The following PCCB variants were observed in gnomAD, a reference collection of about 807,000 sequenced individuals.
PCCB encodes propionyl-CoA carboxylase beta chain, mitochondrial.
Under a neutral mutation model 60.7 loss-of-function variants are expected in PCCB, and 43 were observed. The ratio of observed to expected loss-of-function variants is 0.71; its 90% CI spans 0.55 to 0.91. PCCB has a LOEUF of 0.91. PCCB is among the 40% of genes least tolerant of loss of function. The pLI, the probability that PCCB is intolerant of heterozygous loss-of-function variation, is 0.00. For missense variants in PCCB, 766 were observed against 702.8 expected (o/e 1.09, Z -1.02); for synonymous variants, 276 against 255.9 (o/e 1.08, Z -0.75).
At chr3:136,329,490 G>T (rs1337874637) in intron 14 of PCCB, among the ~76,000 whole-genome samples, 1 of 152,170 alleles carries the variant, frequency 6.6e-6, no homozygotes, top group East Asian at 1.9e-4. Flanking sequence ...ACTCAACAAG[G>T]TTAAGCGAAG....
At chr3:136,313,291 C>T (rs1204416664) in intron 9 of PCCB, among the ~76,000 whole-genome samples, 4 of 152,082 alleles carry the variant, frequency 2.6e-5, no homozygotes, top group Admixed American at 6.6e-5. Flanking sequence ...TTTGTAATTG[C>T]GAGATACTCT....
At chr3:136,275,792 A>C (rs1453193552) in intron 5 of PCCB, among the ~76,000 whole-genome samples, 1 of 151,856 alleles carries the variant, frequency 6.6e-6, no homozygotes, top group African/African-American at 2.4e-5. Flanking sequence ...TTTTGTTGAG[A>C]TGGCGTCTCG....
intron 6 of PCCB, among the ~76,000 whole-genome samples, chr3:136,291,037 T>A (rs1356864351): frequency 6.6e-6 from 1 of 152,166 alleles, no homozygotes; most frequent in Non-Finnish European, 1.5e-5. Flanking sequence ...GTGTTTCCAA[T>A]CCCTGGTATA....
At chr3:136,299,052 CT>C (rs1464461340) in intron 8 of PCCB, among the ~76,000 whole-genome samples, 1 of 152,030 alleles carries the variant, frequency 6.6e-6, no homozygotes, top group Admixed American at 6.6e-5. Flanking sequence ...TGGGTATAGC[CT>C]TTCTGAGTAT....
At chr3:136,293,147 A>G (rs958320953) in intron 6 of PCCB, among the ~76,000 whole-genome samples, 8 of 152,158 alleles carry the variant, frequency 5.3e-5, no homozygotes, top group Non-Finnish European at 1.2e-4. Flanking sequence ...GACTACAGGC[A>G]CATGCCACCA....
Position 136,330,007 on chromosome 3 carries a change from A to G in PCCB, c.1601A>G (p.His534Arg), listed in dbSNP as rs770967191. 2 of 1,614,182 alleles carry G rather than the reference A, an allele frequency of 1.2e-6. No homozygotes were observed. Among genetic ancestry groups the G allele is most frequent in the South Asian group, 2.2e-5 (2 of 91,088 alleles). Residue 534 changes from histidine to arginine, a missense_variant, in exon 15 of 15, where the codon CAT becomes CGT. By Grantham distance (29) the His-to-Arg change is conservative. Coordinates refer to ENST00000251654, the MANE Select transcript of PCCB (RefSeq NM_000532.5). ...AAGGTACAACGTCCTTGGAGAAAAC[A>G]TGCAAATATTCCATTGTAAACAAAT... ...SKKVQRPWRK[H>R]ANIPL
chr3:136,292,642 C>G (rs112198828), intron 6 of PCCB, among the ~76,000 whole-genome samples: 72 of 152,110 alleles, frequency 4.7e-4, no homozygotes, highest in Admixed American at 4.6e-4. Context: ...GTATTGAACT[C>G]TATGTGTATT....
intron 6 of PCCB, among the ~76,000 whole-genome samples, chr3:136,287,446 T>A (rs528910597): frequency 3.3e-5 from 5 of 152,064 alleles, no homozygotes; most frequent in Non-Finnish European, 5.9e-5. Flanking sequence ...TTTGTTTTTT[T>A]TTTGAGACAG....
At chr3:136,268,228 T>C (rs1270466080) in intron 5 of PCCB, among the ~76,000 whole-genome samples, 1 of 150,202 alleles carries the variant, frequency 6.7e-6, no homozygotes, top group African/African-American at 2.5e-5. Context: ...TTGTATATGG[T>C]GTGACAGAAG....
chr3:136,296,568 A>G (rs1933950304), intron 7 of PCCB, among the ~76,000 whole-genome samples: 1 of 152,184 alleles, frequency 6.6e-6, no homozygotes, highest in Non-Finnish European at 1.5e-5. Context: ...GCCTGTATTA[A>G]TATTTATATG....
intron 10 of PCCB, among the ~76,000 whole-genome samples, chr3:136,324,723 C>T (rs548416507): frequency 6.6e-6 from 1 of 152,146 alleles, no homozygotes; most frequent in East Asian, 1.9e-4. Context: ...TGGATAAGTT[C>T]TGAGTTAGGT....
intron 5 of PCCB, among the ~76,000 whole-genome samples, chr3:136,268,096 A>ATATATATATATATATATG (rs1942072750): frequency 9.4e-6 from 1 of 106,554 alleles, no homozygotes; most frequent in African/African-American, 4.6e-5. Flanking sequence ...AGATATATAT[A>ATATATATATATATATATG]TATATATATA....
intron 5 of PCCB, among the ~76,000 whole-genome samples, 163 bp from the exon 6 acceptor site, chr3:136,283,674 A>G (rs1471260578): frequency 6.6e-6 from 1 of 152,234 alleles, no homozygotes; most frequent in African/African-American, 2.4e-5. Flanking sequence ...GAGAAAATGC[A>G]CATATAATTC....
chr3:136,312,156 G>T (rs755492566), intron 9 of PCCB, among the ~76,000 whole-genome samples: 2 of 152,234 alleles, frequency 1.3e-5, no homozygotes, highest in African/African-American at 2.4e-5. Flanking sequence ...ACAGTCACGC[G>T]TTGCGTAACA....
In PCCB at chr3:136,303,961, C is replaced by T; in HGVS notation, c.966+2850C>T. ...TGCCATAAGAAAATACCATAAACTG[C>T]ATAGCTTAAACAACAGAAATTTATT... On this transcript the variant is annotated intron_variant, in intron 9 of 14. Transcript: ENST00000251654. 1.7e-5 allele frequency among the ~76,000 whole-genome samples: 2 copies of T among 120,714 alleles called. 1 individual carries two copies. The highest frequency in any genetic ancestry group is 3.7e-5 in the Non-Finnish European group (2 of 54,440). 79.2% of individuals were successfully genotyped at this position (120,714 alleles called of 152,430 possible).
chr3:136,282,118 AG>A (rs1406402657), intron 5 of PCCB, among the ~76,000 whole-genome samples: 1 of 152,156 alleles, frequency 6.6e-6, no homozygotes, highest in Non-Finnish European at 1.5e-5. Context: ...CAAGATGCAA[AG>A]GTTCTAATTT....
intron 5 of PCCB, among the ~76,000 whole-genome samples, chr3:136,262,550 A>G (rs1358404074): frequency 6.6e-6 from 1 of 152,228 alleles, no homozygotes; most frequent in Non-Finnish European, 1.5e-5. Context: ...CATTACTGAT[A>G]TCTCTTTGCT....
intron 6 of PCCB, among the ~76,000 whole-genome samples, chr3:136,291,341 C>T (rs1933679513): frequency 6.6e-6 from 1 of 152,098 alleles, no homozygotes. Flanking sequence ...CATCTGATTC[C>T]AGTTCTGATG....
At chr3:136,281,845 C>T (rs1942484049) in intron 5 of PCCB, among the ~76,000 whole-genome samples, 1 of 152,048 alleles carries the variant, frequency 6.6e-6, no homozygotes, top group Non-Finnish European at 1.5e-5. Flanking sequence ...GAGTATGTTC[C>T]TTTTTTAATA....
Sources: gnomAD v4.1 joint callset for allele counts (sites outside exome capture counted in the v4.1 genomes callset) on GRCh38, gnomAD v4.1.1 for gene constraint, MANE v1.5 for transcripts, NCBI Gene and HGNC (gene_info 2026-07-23, HGNC 2026-07-21) for gene names.